Variants in FGF12 observed in about 807,000 individuals in gnomAD.
The protein encoded by FGF12 is fibroblast growth factor 12.
A neutral mutation model predicts 23.6 loss-of-function variants in FGF12; 14 were observed. The observed-to-expected ratio is 0.59, with a 90% CI of 0.39 to 0.93. The LOEUF (loss-of-function observed/expected upper bound fraction) is 0.93. FGF12 is among the 40% of genes least tolerant of loss of function. The pLI is 0.00. For synonymous variants in FGF12, 62 were observed against 77.3 expected (o/e 0.80, Z 1.04); for missense variants, 175 against 217.8 (o/e 0.80, Z 1.24).
At chr3:192,365,262 TAAA>T (rs5855420) in intron 2 of FGF12, among the ~76,000 whole-genome samples, 19 of 142,012 alleles carry the variant, frequency 1.3e-4, no homozygotes, top group African/African-American at 4.8e-4. Context: ...AGTAAAAAAT[TAAA>T]AAAAAAAAAA....
At chr3:192,344,362 G>GAA (rs145191143) in intron 3 of FGF12, among the ~76,000 whole-genome samples, 1 of 145,516 alleles carries the variant, frequency 6.9e-6, no homozygotes, top group African/African-American at 2.5e-5. Context: ...TGTTATGGGA[G>GAA]AAAAAAAAAA....
At chr3:192,191,282 T>A (rs1716776145) in intron 4 of FGF12, among the ~76,000 whole-genome samples, 1 of 152,204 alleles carries the variant, frequency 6.6e-6, no homozygotes, top group Non-Finnish European at 1.5e-5. Context: ...CTACTCTGTG[T>A]GATACTATAA....
chr3:192,470,991 C>A (rs1723156712), intron 2 of FGF12, among the ~76,000 whole-genome samples: 1 of 152,136 alleles, frequency 6.6e-6, no homozygotes, highest in Non-Finnish European at 1.5e-5. Context: ...TACCTCTCCT[C>A]CACCCTTTAT....
intron 4 of FGF12, among the ~76,000 whole-genome samples, chr3:192,280,227 T>G (rs191784765): frequency 5.5e-4 from 83 of 152,266 alleles, no homozygotes; most frequent in African/African-American, 1.9e-3. Context: ...GTAATGAGGT[T>G]TTTTTCCAAA....
intron 4 of FGF12, among the ~76,000 whole-genome samples, chr3:192,289,287 A>T (rs112380605): frequency 0.028 from 4,281 of 152,244 alleles, 207 homozygotes; most frequent in African/African-American, 0.098. Context: ...CATGGAACTT[A>T]CATTCCTTTG....
chr3:192,608,635 T>A (rs780433105), intron 2 of FGF12, among the ~76,000 whole-genome samples: 1 of 152,088 alleles, frequency 6.6e-6, no homozygotes, highest in African/African-American at 2.4e-5. Flanking sequence ...ACCCAACAGA[T>A]AGAAAAAGCT....
intron 4 of FGF12, among the ~76,000 whole-genome samples, chr3:192,198,300 A>T (rs1577227166): frequency 6.6e-6 from 1 of 152,198 alleles, no homozygotes; most frequent in Non-Finnish European, 1.5e-5. Flanking sequence ...GCGATTAGGG[A>T]ATTAATGGCC....
chr3:192,346,521 T>C (rs994112191), intron 3 of FGF12, among the ~76,000 whole-genome samples: 3 of 152,204 alleles, frequency 2.0e-5, no homozygotes, highest in Non-Finnish European at 4.4e-5. Flanking sequence ...GTAGTACCAG[T>C]GACACCTTTT....
intron 2 of FGF12, among the ~76,000 whole-genome samples, chr3:192,570,074 G>C (rs1352264020): frequency 2.0e-5 from 3 of 152,176 alleles, no homozygotes; most frequent in Non-Finnish European, 4.4e-5. Flanking sequence ...TTTAATAAAT[G>C]AGTGAATAGT....
intron 2 of FGF12, among the ~76,000 whole-genome samples, chr3:192,407,651 G>A (rs1159524512): frequency 1.3e-5 from 2 of 152,126 alleles, no homozygotes; most frequent in African/African-American, 2.4e-5. Flanking sequence ...ACGGATGGAT[G>A]CATGGACGGA....
chr3:192,280,125 G>GT (rs1371067604), intron 4 of FGF12, among the ~76,000 whole-genome samples: 6 of 152,118 alleles, frequency 3.9e-5, no homozygotes, highest in African/African-American at 1.4e-4. Context: ...TTTAAAGAGA[G>GT]TGTGATGGGG....
intron 2 of FGF12, among the ~76,000 whole-genome samples, chr3:192,567,589 G>C (rs1712359929): frequency 6.6e-6 from 1 of 152,050 alleles, no homozygotes; most frequent in Admixed American, 6.5e-5. Flanking sequence ...CAAAATCAAG[G>C]TGTCCACAGG....
intron 4 of FGF12, among the ~76,000 whole-genome samples, chr3:192,302,893 T>C (rs921949627): frequency 8.5e-5 from 13 of 152,126 alleles, no homozygotes; most frequent in Non-Finnish European, 1.8e-4. Flanking sequence ...AGAATGAACA[T>C]AATGCTTTTC....
chr3:192,465,557 G>A (rs1288357572), intron 2 of FGF12, among the ~76,000 whole-genome samples: 1 of 152,182 alleles, frequency 6.6e-6, no homozygotes, highest in Non-Finnish European at 1.5e-5. Context: ...AAACTTGGTC[G>A]ATGGAGAGTT....
chr3:192,437,547 C>T (rs574450158), intron 2 of FGF12, among the ~76,000 whole-genome samples: 1 of 152,158 alleles, frequency 6.6e-6, no homozygotes, highest in East Asian at 1.9e-4. Context: ...AAACCATTAG[C>T]CGGGTGTGGT....
At chr3:192,230,347 A>G (rs1254473110) in intron 4 of FGF12, among the ~76,000 whole-genome samples, 1 of 152,074 alleles carries the variant, frequency 6.6e-6, no homozygotes, top group Non-Finnish European at 1.5e-5. Flanking sequence ...CCTCTACATA[A>G]CTGTTTTGGC....
chr3:192,693,542 A>C (rs1321801608), intron 2 of FGF12, among the ~76,000 whole-genome samples: 1 of 152,144 alleles, frequency 6.6e-6, no homozygotes, highest in African/African-American at 2.4e-5. Context: ...ACAATATAGT[A>C]CTACCATGAA....
intron 4 of FGF12, among the ~76,000 whole-genome samples, chr3:192,205,235 A>C (rs1025950922): frequency 1.3e-5 from 2 of 152,224 alleles, no homozygotes; most frequent in Non-Finnish European, 2.9e-5. Context: ...TCCAAGATTA[A>C]AATATTCAAC....
intron 3 of FGF12, among the ~76,000 whole-genome samples, chr3:192,354,589 C>T (rs1285786472): frequency 6.6e-6 from 1 of 152,158 alleles, no homozygotes; most frequent in East Asian, 1.9e-4. Context: ...ACAGACAGTT[C>T]ATAGAAAAGG....
Sources: allele counts gnomAD v4.1 joint callset (sites outside exome capture counted in the v4.1 genomes callset), GRCh38; gene constraint gnomAD v4.1.1; transcripts MANE v1.5; gene names NCBI Gene and HGNC (gene_info 2026-07-23, HGNC 2026-07-21).